GLRB: variants seen among roughly 807,000 people sequenced by gnomAD.
The protein encoded by GLRB is glycine receptor subunit beta.
In GLRB, 33 loss-of-function variants were observed where a neutral mutation model predicts 54.2. That is an observed-to-expected ratio of 0.61 (90% CI 0.46 to 0.81). The LOEUF is 0.81. Among genes scored for constraint, GLRB ranks in the 40% least tolerant of loss-of-function variants. The pLI is 0.00. For synonymous variants in GLRB, 209 were observed against 208.2 expected, an observed-to-expected ratio of 1.00 and a Z score of -0.03; for missense variants, 572 against 584.6, an observed-to-expected ratio of 0.98 and a Z score of 0.22.
At chr4:157,104,706 G>A (rs974034434) in intron 2 of GLRB, among the ~76,000 whole-genome samples, 10 of 151,856 alleles carry the variant, frequency 6.6e-5, no homozygotes, top group Non-Finnish European at 1.0e-4. Context: ...TTGTTGGGAG[G>A]TTTTGATTAC....
intron 2 of GLRB, among the ~76,000 whole-genome samples, chr4:157,079,182 A>T (rs763401419): frequency 6.6e-6 from 1 of 152,250 alleles, no homozygotes; most frequent in Non-Finnish European, 1.5e-5. Context: ...ACGTGCTTTT[A>T]GGTAATAATG....
At chr4:157,156,984 G>A (rs777584304) in intron 9 of GLRB, among the ~76,000 whole-genome samples, 9 of 152,118 alleles carry the variant, frequency 5.9e-5, no homozygotes, top group East Asian at 1.9e-4. Flanking sequence ...ACTTCCAAGC[G>A]GAGGTACAAG....
At chr4:157,156,556 G>T (rs1737234878) in intron 9 of GLRB, among the ~76,000 whole-genome samples, 1 of 152,064 alleles carries the variant, frequency 6.6e-6, no homozygotes, top group South Asian at 2.1e-4. Context: ...GGTTGCCCTG[G>T]CTGGGACTTC....
intron 3 of GLRB, 122 bp from the exon 4 acceptor site, chr4:157,122,208 T>G: frequency 2.1e-6 from 1 of 487,070 alleles, no homozygotes; most frequent in Middle Eastern, 5.7e-4. Flanking sequence ...AGACCATAGA[T>G]TTTTTGCATT....
At chr4:157,164,622 C>T (rs1424261607) in intron 9 of GLRB, among the ~76,000 whole-genome samples, 1 of 151,944 alleles carries the variant, frequency 6.6e-6, no homozygotes, top group Non-Finnish European at 1.5e-5. Flanking sequence ...TACTAATAAG[C>T]AATTAAATTA....
intron 1 of GLRB, 91 bp from the exon 2 acceptor site, chr4:157,077,905 T>TA: frequency 1.3e-6 from 1 of 758,168 alleles, no homozygotes; most frequent in Non-Finnish European, 2.2e-6. Context: ...TACTTGCCCT[T>TA]TGGGTAGTAA....
chr4:157,119,386 G>A (rs1735720033), intron 2 of GLRB, among the ~76,000 whole-genome samples: 1 of 151,574 alleles, frequency 6.6e-6, no homozygotes, highest in East Asian at 2.0e-4. Flanking sequence ...TCTCTGGTCA[G>A]ATTGTTTTTG....
In GLRB at chr4:157,171,618, G is replaced by A. The variant is rs1339394105; in HGVS notation, c.*890G>A. The A allele has an allele frequency of 6.6e-6, 1 of 152,160 alleles. No homozygotes were observed. The highest frequency in any genetic ancestry group is 2.4e-5 in the African/African-American group (1 of 41,374). The allele number at this position is 152,160 out of a possible 1,614,324, so 9.4% of individuals were successfully genotyped here. Reference sequence around the variant, plus strand: ...TTAAGAAACCAAGGGGAAGTAATAAGTTGAAAAAGAAATCCATAACTATTA... The same window carrying A: ...TTAAGAAACCAAGGGGAAGTAATAAATTGAAAAAGAAATCCATAACTATTA... On this transcript the variant is annotated 3_prime_UTR_variant, in exon 10 of 10. Coordinates refer to ENST00000264428, the MANE Select transcript of GLRB (RefSeq NM_000824.5).
At chr4:157,109,899 G>C (rs1474372279) in intron 2 of GLRB, among the ~76,000 whole-genome samples, 1 of 151,962 alleles carries the variant, frequency 6.6e-6, no homozygotes, top group Non-Finnish European at 1.5e-5. Context: ...TAAAGCTTCC[G>C]TGCCCTCTCT....
rs570799699 is a variant in GLRB at position 157,138,364 on chromosome 4, G to T, written c.611-445G>T. On this transcript the variant is annotated intron_variant, in intron 6 of 9. Coordinates refer to ENST00000264428, the MANE Select transcript of GLRB (RefSeq NM_000824.5). ...GCTGGGATTACAGGTGTCAGCCACC[G>T]CACCAGGCCGATTTCTTAAAAGAAA... is the stretch of plus-strand genomic sequence containing the variant. 1.1e-4 allele frequency among the ~76,000 whole-genome samples: 17 copies of T among 152,198 alleles called. No individual in the cohort carries two copies. The East Asian group carries it at 3.1e-3, about 28-fold the overall frequency.
intron 2 of GLRB, 67 bp downstream of exon 2, chr4:157,078,213 G>A: frequency 6.3e-7 from 1 of 1,598,202 alleles, no homozygotes; most frequent in South Asian, 1.1e-5. Flanking sequence ...AAAGTAAGGT[G>A]GTTTATGAAG....
intron 2 of GLRB, among the ~76,000 whole-genome samples, chr4:157,096,347 A>T (rs1303262092): frequency 6.6e-6 from 1 of 152,198 alleles, no homozygotes; most frequent in Non-Finnish European, 1.5e-5. Context: ...TCTGAGAGTG[A>T]CAGAAAATGT....
At position 157,078,084 on chromosome 4, in the gene GLRB, C is replaced by T. The variant is rs1372760957; in HGVS notation, c.60C>T (p.Ala20=). 3 of 1,610,752 alleles carry T rather than the reference C, an allele frequency of 1.9e-6. No homozygotes were observed. Among genetic ancestry groups the T allele is most frequent in the Non-Finnish European group, 2.5e-6 (3 of 1,177,478 alleles). The change falls in exon 2 of 10, where the codon GCC becomes GCT. Residue 20 remains alanine (A), a synonymous_variant. Coordinates refer to ENST00000264428, the MANE Select transcript of GLRB (RefSeq NM_000824.5). Reference sequence around the variant, plus strand: ...TAATTTCCTTGTGGGTGGAAGAAGCCTATTCTAAGGAAAAGTCTTCAAAGA... The same window carrying T: ...TAATTTCCTTGTGGGTGGAAGAAGCTTATTCTAAGGAAAAGTCTTCAAAGA... The part of the protein sequence containing the change: ...LILISLWVEE[A]YSKEKSSKKG...
chr4:157,096,060 AAAG>A (rs1377681302), intron 2 of GLRB, among the ~76,000 whole-genome samples: 2 of 152,164 alleles, frequency 1.3e-5, no homozygotes, highest in Admixed American at 6.5e-5. Flanking sequence ...CAGTTGGAGA[AAAG>A]TCACAGTCCT....
intron 4 of GLRB, among the ~76,000 whole-genome samples, chr4:157,134,964 G>A (rs1050781028): frequency 6.6e-5 from 10 of 152,066 alleles, no homozygotes; most frequent in African/African-American, 2.4e-4. Context: ...AAAGCATCAG[G>A]AGAGCATTTT....
chr4:157,122,174 A>G (rs933084858), intron 3 of GLRB, among the ~76,000 whole-genome samples, 156 bp from the exon 4 acceptor site: 1 of 151,320 alleles, frequency 6.6e-6, no homozygotes, highest in African/African-American at 2.4e-5. Flanking sequence ...ACAAGTTAAT[A>G]GCAATTATGA....
chr4:157,144,455 A>G (rs951735782), intron 8 of GLRB, among the ~76,000 whole-genome samples: 5 of 152,260 alleles, frequency 3.3e-5, no homozygotes, highest in African/African-American at 9.6e-5. Flanking sequence ...CTTGAGGGCC[A>G]TTGCTCTCCA....
At chr4:157,079,461 A>G (rs1734150894) in intron 2 of GLRB, among the ~76,000 whole-genome samples, 2 of 152,206 alleles carry the variant, frequency 1.3e-5, no homozygotes, top group South Asian at 2.1e-4. Context: ...AGAGAGTATC[A>G]TGATCCACGT....
At chr4:157,124,396 T>C (rs561993503) in intron 4 of GLRB, among the ~76,000 whole-genome samples, 1 of 151,842 alleles carries the variant, frequency 6.6e-6, no homozygotes, top group East Asian at 1.9e-4. Flanking sequence ...GTAATTAAAT[T>C]ATTTTTGTGT....
Sources: allele counts gnomAD v4.1 joint callset (sites outside exome capture counted in the v4.1 genomes callset), GRCh38; gene constraint gnomAD v4.1.1; transcripts MANE v1.5; gene names NCBI Gene and HGNC (gene_info 2026-07-23, HGNC 2026-07-21).